The following ZNF385D variants were observed in gnomAD, a reference collection of about 807,000 sequenced individuals.
The protein encoded by ZNF385D is zinc finger protein 385D.
Under a neutral mutation model 35.8 loss-of-function variants are expected in ZNF385D, and 15 were observed. The ratio of observed to expected loss-of-function variants is 0.42; its 90% CI spans 0.28 to 0.64. ZNF385D has a LOEUF of 0.64. Ranked by LOEUF, ZNF385D falls within the 30% of genes least tolerant of loss-of-function variation. The pLI, the probability that ZNF385D is intolerant of heterozygous loss-of-function variation, is 0.23. For synonymous variants in ZNF385D, 212 were observed against 186.8 expected, an observed-to-expected ratio of 1.13 and a Z score of -1.10; for missense variants, 474 against 494.6, an observed-to-expected ratio of 0.96 and a Z score of 0.39.
At chr3:21,931,954 G>T (rs974563107) in intron 3 of ZNF385D, among the ~76,000 whole-genome samples, 2 of 151,768 alleles carry the variant, frequency 1.3e-5, no homozygotes, top group East Asian at 1.9e-4. Context: ...GAGGTCATGA[G>T]ATCAAGATCG....
chr3:21,934,641 T>C (rs532126752), intron 3 of ZNF385D, among the ~76,000 whole-genome samples: 11 of 152,264 alleles, frequency 7.2e-5, no homozygotes, highest in South Asian at 4.1e-4. Flanking sequence ...AATTAAAAAA[T>C]TGACTACAAA....
intron 3 of ZNF385D, among the ~76,000 whole-genome samples, chr3:22,144,370 T>C (rs1397577735): frequency 2.0e-5 from 3 of 151,972 alleles, no homozygotes; most frequent in Non-Finnish European, 4.4e-5. Flanking sequence ...GGTCAGGAGT[T>C]TGAGACTAGC....
At chr3:21,846,174 G>T (rs1695995488) in intron 3 of ZNF385D, among the ~76,000 whole-genome samples, 1 of 152,014 alleles carries the variant, frequency 6.6e-6, no homozygotes, top group African/African-American at 2.4e-5. Flanking sequence ...TACAGCTAGG[G>T]AAACAGGCCA....
intron 2 of ZNF385D, among the ~76,000 whole-genome samples, chr3:22,246,358 A>AT (rs1475601729): frequency 6.6e-6 from 1 of 152,104 alleles, no homozygotes; most frequent in East Asian, 1.9e-4. Flanking sequence ...ACCACAGCCC[A>AT]AATAATTTCC....
chr3:22,323,951 T>A (rs1694559562), intron 2 of ZNF385D, among the ~76,000 whole-genome samples: 1 of 152,176 alleles, frequency 6.6e-6, no homozygotes, highest in Non-Finnish European at 1.5e-5. Flanking sequence ...ATCCACAACA[T>A]GAGCTCAATT....
intron 3 of ZNF385D, among the ~76,000 whole-genome samples, chr3:21,757,233 G>A (rs899915171): frequency 6.7e-6 from 1 of 149,994 alleles, no homozygotes; most frequent in Non-Finnish European, 1.5e-5. Flanking sequence ...CTGGGTTCAA[G>A]CGATTCTCGT....
rs148501433 is a variant in ZNF385D, at chr3:21,652,111, T to C, written c.165+12775A>G. Among the ~76,000 whole-genome samples the C allele has an allele frequency of 3.1e-3, 476 of 152,310 alleles. 3 individuals are homozygous for C. The highest frequency in any genetic ancestry group is 0.011 in the African/African-American group (446 of 41,568). ...TGAATGTATAAACGTTTAAAGTAAA[T>C]TATAATGTCTTTAATAGGTAAATTT... is the stretch of plus-strand genomic sequence containing the variant. On this transcript the variant is annotated intron_variant, in intron 2 of 7. Transcript: ENST00000281523.
At chr3:21,580,721 A>G (rs2063631333) in intron 2 of ZNF385D, among the ~76,000 whole-genome samples, 1 of 151,970 alleles carries the variant, frequency 6.6e-6, no homozygotes, top group Non-Finnish European at 1.5e-5. Context: ...AGCACATAAG[A>G]ATATCCTTGT....
At chr3:22,308,350 C>A (rs1211125102) in intron 2 of ZNF385D, among the ~76,000 whole-genome samples, 2 of 151,902 alleles carry the variant, frequency 1.3e-5, no homozygotes, top group Non-Finnish European at 2.9e-5. Flanking sequence ...TCACTAACAG[C>A]CCAATTTACC....
chr3:21,870,917 T>C (rs1697657218), intron 3 of ZNF385D, among the ~76,000 whole-genome samples: 1 of 152,090 alleles, frequency 6.6e-6, no homozygotes, highest in South Asian at 2.1e-4. Context: ...CAGACATGTC[T>C]TCCTAGTTGC....
chr3:22,210,709 A>G lies in ZNF385D; in HGVS notation c.107-41674T>C, dbSNP rs146085338. ...TGAAAGGTTCCTTGGAGATTAATTAATCTCTCACCTACTAGCAAACCATTT... is the reference window on the plus strand; with the variant it reads ...TGAAAGGTTCCTTGGAGATTAATTAGTCTCTCACCTACTAGCAAACCATTT... On this transcript the variant is annotated intron_variant, in intron 2 of 5. Transcript: ENST00000494108. Among the ~76,000 whole-genome samples the G allele has an allele frequency of 1.3e-3, 202 of 151,946 alleles. 2 individuals are homozygous for G. The highest frequency in any genetic ancestry group is 4.5e-3 in the African/African-American group (188 of 41,514).
At chr3:21,493,019 T>C (rs949856496) in intron 4 of ZNF385D, among the ~76,000 whole-genome samples, 1 of 152,094 alleles carries the variant, frequency 6.6e-6, no homozygotes, top group Admixed American at 6.6e-5. Context: ...CAAAGGCATA[T>C]AATCTGGTTA....
chr3:22,079,125 A>C (rs773032778), intron 3 of ZNF385D, among the ~76,000 whole-genome samples: 1 of 152,044 alleles, frequency 6.6e-6, no homozygotes, highest in Non-Finnish European at 1.5e-5. Flanking sequence ...CAGAATGAGT[A>C]TAAGTGTCAT....
At chr3:21,532,195 T>G (rs894548199) in intron 3 of ZNF385D, among the ~76,000 whole-genome samples, 3 of 152,090 alleles carry the variant, frequency 2.0e-5, no homozygotes, top group Admixed American at 6.6e-5. Context: ...AGGGAAGGTT[T>G]AGAATTAGGG....
intron 2 of ZNF385D, among the ~76,000 whole-genome samples, chr3:22,257,928 T>C (rs1180394846): frequency 6.6e-6 from 1 of 151,882 alleles, no homozygotes; most frequent in Non-Finnish European, 1.5e-5. Flanking sequence ...ATATCTTACA[T>C]TATATTTAAT....
At chr3:21,657,063 T>C (rs1575409046) in intron 2 of ZNF385D, among the ~76,000 whole-genome samples, 1 of 151,888 alleles carries the variant, frequency 6.6e-6, no homozygotes, top group East Asian at 1.9e-4. Context: ...TATAAATATA[T>C]AGATGTGTGT....
intron 2 of ZNF385D, among the ~76,000 whole-genome samples, chr3:22,274,081 T>G (rs1242647750): frequency 1.3e-5 from 2 of 151,940 alleles, no homozygotes; most frequent in African/African-American, 2.4e-5. Context: ...TAATTTTAAT[T>G]CAAGGATCCT....
At chr3:21,626,949 G>A (rs1488580252) in intron 2 of ZNF385D, among the ~76,000 whole-genome samples, 1 of 151,948 alleles carries the variant, frequency 6.6e-6, no homozygotes, top group African/African-American at 2.4e-5. Context: ...GAGGGGCTTA[G>A]GGAAAAGATT....
chr3:21,976,076 T>C (rs1703602936), intron 3 of ZNF385D, among the ~76,000 whole-genome samples: 1 of 152,072 alleles, frequency 6.6e-6, no homozygotes, highest in Non-Finnish European at 1.5e-5. Context: ...ATGCACCATG[T>C]ATATGGGGAA....
Sources: allele counts gnomAD v4.1 joint callset (sites outside exome capture counted in the v4.1 genomes callset), GRCh38; gene constraint gnomAD v4.1.1; transcripts MANE v1.5; gene names NCBI Gene and HGNC (gene_info 2026-07-23, HGNC 2026-07-21).